CNTNAP3: variants seen among roughly 807,000 people sequenced by gnomAD.
CNTNAP3 encodes contactin-associated protein-like 3.
A neutral mutation model predicts 92.1 loss-of-function variants in CNTNAP3; 36 were observed. The ratio of observed to expected loss-of-function variants is 0.39; its 90% confidence interval spans 0.30 to 0.52. CNTNAP3 has a LOEUF of 0.52. Ranked by LOEUF, CNTNAP3 falls within the 20% of genes least tolerant of loss-of-function variation. CNTNAP3 has a pLI of 0.76. For missense variants in CNTNAP3, 534 were observed against 1,069.6 expected (o/e 0.50, Z 6.98); for synonymous variants, 232 against 422.3 (o/e 0.55, Z 5.53).
intron 17 of CNTNAP3, among the ~76,000 whole-genome samples, chr9:39,101,191 T>C (rs1471229548): frequency 2.0e-5 from 3 of 149,204 alleles, no homozygotes; most frequent in Non-Finnish European, 4.5e-5. Context: ...TGCACCTTAA[T>C]AGAAGAGCTA....
At chr9:39,087,314 T>G (rs1042591765) in intron 19 of CNTNAP3, among the ~76,000 whole-genome samples, 7 of 152,298 alleles carry the variant, frequency 4.6e-5, no homozygotes, top group African/African-American at 1.7e-4. Context: ...CAGATTATTT[T>G]AAGTCTTCTG....
At chr9:39,093,143 CTTTT>C (rs1020685321) in intron 18 of CNTNAP3, among the ~76,000 whole-genome samples, 2 of 120,572 alleles carry the variant, frequency 1.7e-5, no homozygotes, top group Non-Finnish European at 3.5e-5. Context: ...GTTAAGATTT[CTTTT>C]GTTATCCATT....
intron 9 of CNTNAP3, among the ~76,000 whole-genome samples, 155 bp downstream of exon 9, chr9:39,165,777 TG>T (rs1822161200): frequency 2.1e-5 from 1 of 47,714 alleles, no homozygotes; most frequent in African/African-American, 8.8e-5. Context: ...AAATGTTTCA[TG>T]TTTTTTATAA....
At chr9:39,127,676 A>T (rs1306306349) in intron 13 of CNTNAP3, among the ~76,000 whole-genome samples, 1 of 152,216 alleles carries the variant, frequency 6.6e-6, no homozygotes, top group African/African-American at 2.4e-5. Context: ...ATTAATGGAC[A>T]AATTTCTCAA....
At chr9:39,086,561 C>T (rs1258531222) in intron 20 of CNTNAP3, 155 bp downstream of exon 20, 2 of 953,250 alleles carry the variant, frequency 2.1e-6, no homozygotes, top group Non-Finnish European at 3.0e-6. Context: ...CCTCCTCTCT[C>T]CCAGATCCTG....
chr9:39,146,081 G>C (rs1417398663), intron 10 of CNTNAP3, among the ~76,000 whole-genome samples: 3 of 152,106 alleles, frequency 2.0e-5, no homozygotes, highest in Admixed American at 6.5e-5. Context: ...GTGATCTAGA[G>C]ACTACCAACA....
At chr9:39,093,183 G>A (rs1576779) in intron 18 of CNTNAP3, among the ~76,000 whole-genome samples, 114,191 of 114,198 alleles carry the variant, frequency 1, 57,092 homozygotes, top group Middle Eastern at 1. Flanking sequence ...TTTTGATTGG[G>A]TTGCTCAATC....
At chr9:39,078,617 A>G (rs915114911) in intron 22 of CNTNAP3, 73 bp downstream of exon 22, 56 of 1,548,954 alleles carry the variant, frequency 3.6e-5, no homozygotes, top group African/African-American at 2.5e-4. Flanking sequence ...CGGAGAAAAG[A>G]AGGCTTTTGA....
intron 14 of CNTNAP3, among the ~76,000 whole-genome samples, chr9:39,116,987 A>AATT (rs56028908): frequency 0.18 from 26,649 of 150,218 alleles, 2,834 homozygotes; most frequent in East Asian, 0.3. Flanking sequence ...TTTATTTATT[A>AATT]ATTATTATTA....
At chr9:39,077,768 CAT>C (rs960992417) in intron 23 of CNTNAP3, among the ~76,000 whole-genome samples, 8 of 152,266 alleles carry the variant, frequency 5.3e-5, no homozygotes, top group Admixed American at 5.2e-4. Context: ...AAATATCCCA[CAT>C]GTCCTAGGGA....
chr9:39,139,327 C>T (rs1821516024), intron 12 of CNTNAP3, among the ~76,000 whole-genome samples: 1 of 152,034 alleles, frequency 6.6e-6, no homozygotes, highest in Non-Finnish European at 1.5e-5. Flanking sequence ...TGGGATTTCT[C>T]ACTTTGCTTT....
chr9:39,132,832 C>T, intron 13 of CNTNAP3, 100 bp downstream of exon 13: 2 of 1,344,208 alleles, frequency 1.5e-6, no homozygotes, highest in South Asian at 1.5e-5. Context: ...CTAAGAGCCA[C>T]GGGAGGGACC....
At chr9:39,126,834 AACTG>A (rs201379620) in intron 13 of CNTNAP3, among the ~76,000 whole-genome samples, 2,629 of 152,184 alleles carry the variant, frequency 0.017, 82 homozygotes, top group African/African-American at 0.059. Flanking sequence ...CTCTCTTAGC[AACTG>A]ACAGAACTAC....
At position 39,067,063 on chromosome 9, in the gene CNTNAP3, C is replaced by A. The variant is rs1190409660; in HGVS notation, c.*6827G>T. 6.6e-6 allele frequency among the ~76,000 whole-genome samples: 1 copy of A among 152,280 alleles called. No homozygotes were observed. Among genetic ancestry groups the A allele is most frequent in the Non-Finnish European group, 1.5e-5 (1 of 68,048 alleles). On this transcript the variant is annotated 3_prime_UTR_variant, in exon 24 of 24. Transcript: ENST00000297668. ...CTTTGTTTTTTTTCTGTCTCTGTTT[C>A]ATTTTGGATGCTTTCTACTGCTATA...
At chr9:39,083,542 C>CCAGCTACT (rs1304436210) in intron 21 of CNTNAP3, among the ~76,000 whole-genome samples, 2 of 151,778 alleles carry the variant, frequency 1.3e-5, no homozygotes, top group African/African-American at 2.4e-5. Flanking sequence ...GCCTGTAATC[C>CCAGCTACT]CAGCTACTCA....
Position 39,117,956 on chromosome 9 carries a change from GATC to G in CNTNAP3, c.2237+144_2237+146del. 3 of 1,449,220 alleles carry G rather than the reference GATC, an allele frequency of 2.1e-6. No homozygotes were observed. In the East Asian group the frequency reaches 6.8e-5, roughly 33 times the overall value. 89.8% of individuals were successfully genotyped at this position (1,449,220 alleles called of 1,614,324 possible). ...ATAAAATTTAATCCTTAGATTAACT[GATC>G]ATATTTCATCAAAACTTGTATTTCA... is the stretch of plus-strand genomic sequence containing the variant. On this transcript the variant is annotated intron_variant, in intron 14 of 23. Transcript: ENST00000297668.
chr9:39,094,412 G>C (rs1291460406), intron 18 of CNTNAP3, among the ~76,000 whole-genome samples: 2 of 151,282 alleles, frequency 1.3e-5, no homozygotes, highest in Non-Finnish European at 3.0e-5. Flanking sequence ...CGTGCTTTTG[G>C]GGTGATTTTT....
chr9:39,141,962 AT>A (rs1361004638), intron 11 of CNTNAP3, among the ~76,000 whole-genome samples: 1 of 152,196 alleles, frequency 6.6e-6, no homozygotes, highest in African/African-American at 2.4e-5. Flanking sequence ...GAAATACAAA[AT>A]AACCTATTCA....
chr9:39,142,241 G>C (rs1353380539), intron 11 of CNTNAP3, among the ~76,000 whole-genome samples: 2 of 152,144 alleles, frequency 1.3e-5, no homozygotes, highest in African/African-American at 4.8e-5. Context: ...CACAAGATTA[G>C]GCTTCTGCTT....
Sources: gnomAD v4.1 joint callset for allele counts (sites outside exome capture counted in the v4.1 genomes callset) on GRCh38, gnomAD v4.1.1 for gene constraint, MANE v1.5 for transcripts, NCBI Gene and HGNC (gene_info 2026-07-23, HGNC 2026-07-21) for gene names.